Variants in GOLGB1 observed in about 807,000 individuals in gnomAD.
GOLGB1 encodes golgin subfamily B member 1.
Under a neutral mutation model 336.9 loss-of-function variants are expected in GOLGB1, and 174 were observed. The observed-to-expected ratio is 0.52, with a 90% CI of 0.46 to 0.59. The LOEUF (loss-of-function observed/expected upper bound fraction) is 0.59. GOLGB1 is among the 20% of genes least tolerant of loss of function. The pLI, the probability that GOLGB1 is intolerant of heterozygous loss-of-function variation, is 0.00. For synonymous variants in GOLGB1, 1,208 were observed against 1,289.2 expected (o/e 0.94, Z 1.35); for missense variants, 3,331 against 3,645.3 (o/e 0.91, Z 2.22).
chr3:121,670,436 T>C (rs997496098), intron 17 of GOLGB1, among the ~76,000 whole-genome samples: 2 of 152,164 alleles, frequency 1.3e-5, no homozygotes, highest in African/African-American at 2.4e-5. Flanking sequence ...TTGATGCAAA[T>C]AGAAAATTAG....
chr3:121,727,194 T>C (rs2108254266), intron 4 of GOLGB1, among the ~76,000 whole-genome samples, 153 bp from the exon 5 acceptor site: 1 of 149,626 alleles, frequency 6.7e-6, no homozygotes, highest in African/African-American at 2.4e-5. Flanking sequence ...AAATAAGAAA[T>C]CTTAGGGTTG....
chr3:121,729,840 C>T (rs1945951585), intron 3 of GOLGB1, 25 bp downstream of exon 3: 2 of 1,574,706 alleles, frequency 1.3e-6, no homozygotes, highest in Non-Finnish European at 1.7e-6. Flanking sequence ...AAATGCTCCA[C>T]AAGAAAGGAT....
intron 13 of GOLGB1, 71 bp from the exon 14 acceptor site, chr3:121,692,652 A>G (rs537701973): frequency 1.0e-5 from 8 of 792,926 alleles, no homozygotes; most frequent in African/African-American, 5.1e-5. Flanking sequence ...AACAAATACT[A>G]TAACATGTAC....
rs777501513 is a variant in GOLGB1 at position 121,691,604 on chromosome 3, G to C, written c.7760C>G (p.Ala2587Gly). The C allele has an allele frequency of 5.0e-6, 8 of 1,613,532 alleles. No individual in the cohort carries two copies. Among genetic ancestry groups the C allele is most frequent in the South Asian group, 1.1e-5 (1 of 91,038 alleles). ...AAAGGACCTCCGCAGATCCTCATTT[G>C]CTTCCTCAGATTCCTTCAGCTTTTC... ...LEEKLKESEE[A>G]NEDLRRSFNA... is the part of the protein sequence containing the mutation. Residue 2587 changes from alanine (A) to glycine (G), a missense_variant, in exon 14 of 22, where the codon GCA (alanine) becomes GGA (glycine). By Grantham distance (60) the Ala-to-Gly change is moderately conservative. Transcript: ENST00000614479.
chr3:121,712,319 A>C (rs1053217039), intron 10 of GOLGB1, among the ~76,000 whole-genome samples: 1 of 152,216 alleles, frequency 6.6e-6, no homozygotes, highest in African/African-American at 2.4e-5. Context: ...TTTGAGATTC[A>C]GAGACTTCAA....
At chr3:121,709,452 A>G (rs1944162451) in intron 10 of GOLGB1, among the ~76,000 whole-genome samples, 2 of 152,212 alleles carry the variant, frequency 1.3e-5, no homozygotes, top group African/African-American at 4.8e-5. Flanking sequence ...ATTTCAAAGG[A>G]TTGAAGTCAC....
rs867212866 is a variant in GOLGB1 at position 121,696,284 on chromosome 3, A to G, written c.4239T>C (p.Val1413=). The part of the protein sequence containing the change: ...QKLISKKEED[V]SYLSGQLSEK... ...CACTAAGTTGTCCAGAAAGGTAGCT[A>G]ACGTCTTCTTCCTTTTTGCTTATGA... Residue 1413 remains valine (V), a synonymous_variant, in exon 13 of 22, where the codon GTT becomes GTC. Coordinates refer to ENST00000614479, the MANE Select transcript of GOLGB1 (RefSeq NM_001366282.2). The G allele has an allele frequency of 2.5e-6, 4 of 1,614,020 alleles. 1 individual carries two copies. The highest frequency in any genetic ancestry group is 1.6e-4 in the Middle Eastern group (1 of 6,062).
At chr3:121,665,716 C>A (rs1366280291) in intron 20 of GOLGB1, among the ~76,000 whole-genome samples, 1 of 152,198 alleles carries the variant, frequency 6.6e-6, no homozygotes, top group African/African-American at 2.4e-5. Flanking sequence ...TGTAACACAG[C>A]ACGTTTGATC....
chr3:121,683,677 A>G (rs946237442), intron 14 of GOLGB1, among the ~76,000 whole-genome samples: 2 of 152,234 alleles, frequency 1.3e-5, no homozygotes, highest in African/African-American at 4.8e-5. Context: ...AAGGTAATTT[A>G]GAAGAGATTA....
At chr3:121,710,879 T>A (rs1300033069) in intron 10 of GOLGB1, among the ~76,000 whole-genome samples, 7 of 132,452 alleles carry the variant, frequency 5.3e-5, no homozygotes, top group South Asian at 2.3e-4. Flanking sequence ...AGTAAAATTT[T>A]AAAAAAAGAA....
chr3:121,697,524 A>C lies in GOLGB1; in HGVS notation c.2999T>G (p.Leu1000Arg). 6.2e-7 allele frequency: 1 copy of C among 1,613,522 alleles called. No homozygotes were observed. The highest frequency in any genetic ancestry group is 8.5e-7 in the Non-Finnish European group (1 of 1,179,890). Residue 1000 changes from leucine (L) to arginine (R), a missense_variant, in exon 13 of 22, where the codon CTC becomes CGC. Physicochemically the swap from Leu to Arg is moderately radical, Grantham distance 102. Coordinates refer to ENST00000614479, the MANE Select transcript of GOLGB1 (RefSeq NM_001366282.2). Reference sequence around the variant, plus strand: ...CTTTCTGTTAATAAGAGCTGCCTGGAGCTTTCTCTTTCTCTGCTCATTTTC... The same window carrying C: ...CTTTCTGTTAATAAGAGCTGCCTGGCGCTTTCTCTTTCTCTGCTCATTTTC... ...KKENEQRKRK[L>R]QAALINRKEL...
intron 1 of GOLGB1, among the ~76,000 whole-genome samples, chr3:121,746,453 C>CTTTATTTATTTA (rs10530584): frequency 9.9e-5 from 15 of 150,976 alleles, no homozygotes; most frequent in East Asian, 3.9e-4. Flanking sequence ...ATTTAACTCA[C>CTTTATTTATTTA]TTTATTTATT....
chr3:121,741,235 C>A (rs1472127103), intron 1 of GOLGB1, among the ~76,000 whole-genome samples: 2 of 151,932 alleles, frequency 1.3e-5, no homozygotes, highest in African/African-American at 2.4e-5. Context: ...TGAGGCAATC[C>A]AAATGACTAA....
chr3:121,740,656 T>A (rs867530747), intron 1 of GOLGB1, among the ~76,000 whole-genome samples: 3 of 152,196 alleles, frequency 2.0e-5, no homozygotes, highest in Non-Finnish European at 4.4e-5. Context: ...TCTGAAATAA[T>A]TCCTAATAAT....
rs756018283 is a variant in GOLGB1 at position 121,693,748 on chromosome 3, T to C, written c.6775A>G (p.Ile2259Val). 3.3e-5 allele frequency: 52 copies of C among 1,595,738 alleles called. No individual in the cohort carries two copies. The highest frequency in any genetic ancestry group is 4.5e-5 in the Non-Finnish European group (52 of 1,168,070). Residue 2259 changes from isoleucine (I) to valine (V), a missense_variant, in exon 13 of 22, where the codon ATT (isoleucine) becomes GTT (valine). Transcript: ENST00000614479. ...SIHMEELKINISRLEHDKQIW... is the reference protein window; with the variant it reads ...SIHMEELKINVSRLEHDKQIW... Reference sequence around the variant, plus strand: ...AATTCACTACTCATTTACCTGGAAATGTTAATCTTTAATTCTTCCATATGG... The same window carrying C: ...AATTCACTACTCATTTACCTGGAAACGTTAATCTTTAATTCTTCCATATGG...
In GOLGB1 at chr3:121,667,984, C is replaced by G. The variant is rs1445915984; in HGVS notation, c.9419+77G>C. ...AGACATATTAAATCCATATAAAGGA[C>G]TCCAGTTAAATCTAGATTACTGCCC... On this transcript the variant is annotated intron_variant, in intron 19 of 21. Transcript: ENST00000614479. 2.1e-5 allele frequency: 15 copies of G among 702,090 alleles called. No homozygotes were observed. In the Admixed American group the frequency reaches 2.9e-4, roughly 14 times the overall value. The allele number at this position is 702,090 out of a possible 1,614,324, so 43.5% of individuals were successfully genotyped here.
At position 121,668,171 on chromosome 3, in the gene GOLGB1, T is replaced by A; in HGVS notation, c.9322-13A>T. 6.9e-7 allele frequency: 1 copy of A among 1,441,014 alleles called. No homozygotes were observed. The allele number at this position is 1,441,014 out of a possible 1,614,324, so 89.3% of individuals were successfully genotyped here. On this transcript the variant is annotated splice_polypyrimidine_tract_variant and intron_variant, in intron 18 of 21. Coordinates refer to ENST00000614479, the MANE Select transcript of GOLGB1 (RefSeq NM_001366282.2). Reference sequence around the variant, plus strand: ...TATTTAGTGGCCCCTGGAAGAAGAATAAGCTTAGTAATTCAGTGATGAAAG... The same window carrying A: ...TATTTAGTGGCCCCTGGAAGAAGAAAAAGCTTAGTAATTCAGTGATGAAAG...
At chr3:121,686,108 T>G (rs2107717073) in intron 14 of GOLGB1, among the ~76,000 whole-genome samples, 1 of 152,334 alleles carries the variant, frequency 6.6e-6, no homozygotes, top group East Asian at 1.9e-4. Context: ...CACATTATTA[T>G]ATTTACTGTA....
intron 13 of GOLGB1, 46 bp from the exon 14 acceptor site, chr3:121,692,627 C>T (rs1560218062): frequency 8.8e-7 from 1 of 1,137,940 alleles, no homozygotes; most frequent in Non-Finnish European, 1.3e-6. Flanking sequence ...AAGAAAAAAA[C>T]TGTGTTTCCC....
Sources: gnomAD v4.1 joint callset for allele counts (sites outside exome capture counted in the v4.1 genomes callset) on GRCh38, gnomAD v4.1.1 for gene constraint, MANE v1.5 for transcripts, NCBI Gene and HGNC (gene_info 2026-07-23, HGNC 2026-07-21) for gene names.